CLSTN2: variants seen among roughly 807,000 people sequenced by gnomAD.
CLSTN2 encodes calsyntenin-2.
In CLSTN2, 48 loss-of-function variants were observed where a neutral mutation model predicts 101.2. That is an observed-to-expected ratio of 0.47 (90% confidence interval 0.38 to 0.60). CLSTN2 has a LOEUF of 0.60. Among genes scored for constraint, CLSTN2 ranks in the 20% least tolerant of loss-of-function variants. The pLI is 0.00. For synonymous variants in CLSTN2, 481 were observed against 463.6 expected (o/e 1.04, Z -0.48); for missense variants, 1,160 against 1,238.2 (o/e 0.94, Z 0.95).
chr3:140,485,372 G>A (rs527497493), intron 8 of CLSTN2, among the ~76,000 whole-genome samples: 5 of 152,224 alleles, frequency 3.3e-5, no homozygotes, highest in East Asian at 3.9e-4. Context: ...CCCTACTAGG[G>A]GGTGCCTCCC....
At position 140,419,663 on chromosome 3, in the gene CLSTN2, A is replaced by G. The variant is rs1278604552; in HGVS notation, c.638-1462A>G. ...CATATATATGTACACGTATATATAC[A>G]TATATGAATATGTATATACGTATAT... is the stretch of plus-strand genomic sequence containing the variant. On this transcript the variant is annotated intron_variant, in intron 4 of 16. Coordinates refer to ENST00000458420, the MANE Select transcript of CLSTN2 (RefSeq NM_022131.3). Among the ~76,000 whole-genome samples the G allele has an allele frequency of 2.0e-4, 12 of 60,148 alleles. 2 individuals carry two copies. The highest frequency in any genetic ancestry group is 3.2e-4 in the Non-Finnish European group (12 of 37,932). The allele number at this position is 60,148 out of a possible 152,430, so 39.5% of individuals were successfully genotyped here. A position where few individuals can be genotyped will look rare whatever the true frequency, so the allele number is the denominator to read the frequency against.
At chr3:140,433,445 C>T (rs2088656165) in intron 5 of CLSTN2, among the ~76,000 whole-genome samples, 1 of 152,242 alleles carries the variant, frequency 6.6e-6, no homozygotes, top group South Asian at 2.1e-4. Context: ...CCTCATCTCC[C>T]CATGGACCTG....
chr3:140,092,931 A>C (rs1338162078), intron 1 of CLSTN2, among the ~76,000 whole-genome samples: 1 of 152,134 alleles, frequency 6.6e-6, no homozygotes, highest in African/African-American at 2.4e-5. Context: ...GGCCAAGAAC[A>C]AGGATGAGGG....
intron 2 of CLSTN2, among the ~76,000 whole-genome samples, chr3:140,300,829 G>C (rs1057366180): frequency 1.3e-5 from 2 of 152,078 alleles, no homozygotes; most frequent in Admixed American, 6.6e-5. Context: ...TACATAAAGA[G>C]ATTTACTATG....
chr3:140,114,252 T>A (rs2009202756), intron 1 of CLSTN2, among the ~76,000 whole-genome samples: 1 of 152,194 alleles, frequency 6.6e-6, no homozygotes, highest in African/African-American at 2.4e-5. Context: ...TTCCCAGAAT[T>A]TGTTGCTTCT....
At chr3:140,397,466 C>T (rs545483601) in intron 2 of CLSTN2, among the ~76,000 whole-genome samples, 1 of 152,288 alleles carries the variant, frequency 6.6e-6, no homozygotes, top group Admixed American at 6.5e-5. Flanking sequence ...ACCATTAAAG[C>T]TGCTGTAACG....
chr3:140,565,924 G>C, intron 16 of CLSTN2, 129 bp from the exon 17 acceptor site: 4 of 1,135,036 alleles, frequency 3.5e-6, no homozygotes, highest in Non-Finnish European at 5.0e-6. Context: ...CCAGGCTGAA[G>C]AGTTTTGCAC....
intron 1 of CLSTN2, among the ~76,000 whole-genome samples, chr3:139,981,732 G>A (rs1014181922): frequency 6.6e-6 from 1 of 152,206 alleles, no homozygotes; most frequent in South Asian, 2.1e-4. Context: ...GTGGTTGGTT[G>A]CCTTTTTGGA....
intron 1 of CLSTN2, among the ~76,000 whole-genome samples, chr3:140,072,548 AATTTAT>A (rs1407198328): frequency 5.3e-5 from 8 of 152,330 alleles, no homozygotes; most frequent in African/African-American, 1.9e-4. Flanking sequence ...ACACAGATTC[AATTTAT>A]ATGTAACATC....
At chr3:140,448,794 CA>C (rs144791859) in intron 6 of CLSTN2, 90 bp downstream of exon 6, 68,486 of 1,145,304 alleles carry the variant, frequency 0.06, 2,719 homozygotes, top group East Asian at 0.2. Context: ...AGGCAAGAAT[CA>C]ACCCTCCCTT....
At chr3:140,274,852 A>G (rs7626587) in intron 2 of CLSTN2, among the ~76,000 whole-genome samples, 137,607 of 152,158 alleles carry the variant, frequency 0.9, 62,737 homozygotes, top group East Asian at 0.97. Flanking sequence ...CTGGGAAATC[A>G]GGAAATATTC....
chr3:140,284,513 A>G (rs2086878462), intron 2 of CLSTN2, among the ~76,000 whole-genome samples: 1 of 152,134 alleles, frequency 6.6e-6, no homozygotes, highest in South Asian at 2.1e-4. Context: ...GGTTGCGGAG[A>G]TCAAGTCCTT....
At position 140,099,056 on chromosome 3, in the gene CLSTN2, A is replaced by G. The variant is rs371539300; in HGVS notation, c.110-76895A>G. ...CAGATGCCACAGTCCAGAGAAGGAC[A>G]TGAGAATCTGCTGGTCCGTATGTGG... On this transcript the variant is annotated intron_variant, in intron 1 of 16. Coordinates refer to ENST00000458420, the MANE Select transcript of CLSTN2 (RefSeq NM_022131.3). 2.6e-5 allele frequency among the ~76,000 whole-genome samples: 4 copies of G among 152,338 alleles called. No homozygotes were observed. In the East Asian group the frequency reaches 5.8e-4, roughly 22 times the overall value.
At chr3:139,947,272 G>C (rs2107808836) in intron 1 of CLSTN2, among the ~76,000 whole-genome samples, 1 of 152,240 alleles carries the variant, frequency 6.6e-6, no homozygotes, top group South Asian at 2.1e-4. Context: ...ACCTACTCTT[G>C]TCCTCCCAGC....
intron 1 of CLSTN2, among the ~76,000 whole-genome samples, chr3:140,120,379 G>A (rs994316177): frequency 6.6e-6 from 1 of 152,192 alleles, no homozygotes; most frequent in African/African-American, 2.4e-5. Flanking sequence ...AAGGCACAGA[G>A]CTTCTATGTC....
chr3:140,188,359 T>A (rs146338417), intron 2 of CLSTN2, among the ~76,000 whole-genome samples: 2,055 of 152,302 alleles, frequency 0.013, 16 homozygotes, highest in Non-Finnish European at 0.021. Flanking sequence ...TCAGTAAATA[T>A]TTGTTGATTT....
intron 2 of CLSTN2, among the ~76,000 whole-genome samples, chr3:140,370,876 C>A (rs1162968663): frequency 1.3e-5 from 2 of 152,030 alleles, no homozygotes; most frequent in African/African-American, 4.8e-5. Context: ...CCCACCCTAG[C>A]ACCGGCCCCA....
chr3:140,019,116 C>T (rs1445593802), intron 1 of CLSTN2, among the ~76,000 whole-genome samples: 4 of 152,122 alleles, frequency 2.6e-5, no homozygotes, highest in East Asian at 1.9e-4. Flanking sequence ...GATAAACCCT[C>T]CTTGCTCCCC....
chr3:140,093,858 T>C (rs1198203154), intron 1 of CLSTN2, among the ~76,000 whole-genome samples: 1 of 152,202 alleles, frequency 6.6e-6, no homozygotes, highest in Admixed American at 6.5e-5. Context: ...GATAAGTCGT[T>C]AAAATGAGTT....
Sources: allele counts gnomAD v4.1 joint callset (sites outside exome capture counted in the v4.1 genomes callset), GRCh38; gene constraint gnomAD v4.1.1; transcripts MANE v1.5; gene names NCBI Gene and HGNC (gene_info 2026-07-23, HGNC 2026-07-21).